Variants in HLA-DQA1 observed in about 807,000 individuals in gnomAD.
HLA-DQA1 encodes the protein HLA class II histocompatibility antigen, DQ alpha 1 chain.
HLA-DQA1 carries 10 observed loss-of-function variants against 20.7 expected under a neutral mutation model. That is an observed-to-expected ratio of 0.48 (90% CI 0.30 to 0.82). The LOEUF is 0.82. HLA-DQA1 is among the 40% of genes least tolerant of loss of function. HLA-DQA1 has a pLI of 0.07. For missense variants in HLA-DQA1, 127 were observed against 293.0 expected, an observed-to-expected ratio of 0.43 and a Z score of 4.14; for synonymous variants, 39 against 109.2, an observed-to-expected ratio of 0.36 and a Z score of 4.01.
In HLA-DQA1 at chr6:32,641,569, A is replaced by T; in HGVS notation, c.331+11A>T. The T allele has an allele frequency of 9.9e-7, 1 of 1,006,344 alleles. No homozygotes were observed. The highest frequency in any genetic ancestry group is 1.4e-6 in the Non-Finnish European group (1 of 729,074). The allele number at this position is 1,006,344 out of a possible 1,614,324, so 62.3% of individuals were successfully genotyped here. On this transcript the variant is annotated intron_variant, in intron 2 of 4. Coordinates refer to ENST00000343139, the MANE Select transcript of HLA-DQA1 (RefSeq NM_002122.5). ...CCGCTGCTACCAATGGTATGCGTCC[A>T]CCATTCTGCCTCTCTTTACTTAAGT...
Position 32,642,602 on chromosome 6 carries a change from T to G in HLA-DQA1, c.614-8T>G. 1 of 1,298,964 alleles carries G rather than the reference T, an allele frequency of 7.7e-7. No individual in the cohort carries two copies. The highest frequency in any genetic ancestry group is 1.2e-5 in the South Asian group (1 of 80,824). 80.5% of individuals were successfully genotyped at this position (1,298,964 alleles called of 1,614,324 possible). On this transcript the variant is annotated splice_region_variant and splice_polypyrimidine_tract_variant and intron_variant, in intron 3 of 4. Transcript: ENST00000343139. ...TGCATTCTGACCTCAACAACTTCAC[T>G]TCCACAGAGCCTGAGATTCCAGCCC...
At chr6:32,640,403 A>G (rs9272632) in intron 1 of HLA-DQA1, among the ~76,000 whole-genome samples, 2,148 of 74,242 alleles carry the variant, frequency 0.029, 124 homozygotes, top group Middle Eastern at 0.047. Context: ...TGTCTTGACA[A>G]AAAAGTCCAG....
chr6:32,653,613 C>A, the HLA-DQA1 span, among the ~76,000 whole-genome samples: 1 of 100,404 alleles, frequency 1.0e-5, no homozygotes, highest in Non-Finnish European at 2.2e-5. Context: ...AAAAATAGAA[C>A]TACCACATGA....
At chr6:32,652,926 G>A in the HLA-DQA1 span, among the ~76,000 whole-genome samples, 1,600 of 150,034 alleles carry the variant, frequency 0.011, 53 homozygotes, top group African/African-American at 0.036. Flanking sequence ...TAACCCCCAG[G>A]GAGTTCTGAA....
In HLA-DQA1 at chr6:32,641,317, C is replaced by T. The variant is rs1129737; in HGVS notation, c.90C>T (p.His30=). ...GTCATCTTCACTCATCAGCTGACCA[C>T]GTTGCCTCTTGTGGTGTAAACTTGT... is the stretch of plus-strand genomic sequence containing the variant. The part of the protein sequence containing the change: ...PCGGEDIVAD[H]VASCGVNLYQ... The change falls in exon 2 of 5, where the codon CAC becomes CAT. Residue 30 remains histidine, a synonymous_variant. Coordinates refer to ENST00000343139, the MANE Select transcript of HLA-DQA1 (RefSeq NM_002122.5). 161,434 of 1,194,622 alleles carry T rather than the reference C, an allele frequency of 0.14. 41,699 individuals carry two copies. Among genetic ancestry groups the T allele is most frequent in the East Asian group, 0.34 (10,365 of 30,174 alleles). The allele number at this position is 1,194,622 out of a possible 1,614,324, so 74.0% of individuals were successfully genotyped here. A position where few individuals can be genotyped will look rare whatever the true frequency, so the allele number is the denominator to read the frequency against.
At chr6:32,648,362 C>G (rs1195239420), downstream of HLA-DQA1, among the ~76,000 whole-genome samples, 1 of 88,462 alleles carries the variant, frequency 1.1e-5, no homozygotes, top group Non-Finnish European at 2.5e-5. Flanking sequence ...GCCTGATGAA[C>G]ATCAATGTGA....
intron 1 of HLA-DQA1, among the ~76,000 whole-genome samples, chr6:32,637,983 G>T (rs1781014116): frequency 8.5e-6 from 1 of 117,328 alleles, no homozygotes; most frequent in Non-Finnish European, 1.9e-5. Context: ...TATTTAAAAT[G>T]TTGCCCGTTT....
chr6:32,645,172 AGTT>A (rs1429348086), downstream of HLA-DQA1: 2 of 151,616 alleles, frequency 1.3e-5, no homozygotes, highest in African/African-American at 2.4e-5. Context: ...TGCCAATGTA[AGTT>A]CATAAATTAT....
At position 32,643,322 on chromosome 6, in the gene HLA-DQA1, G is replaced by T. The variant is rs28538060; in HGVS notation, c.*391G>T. The T allele has an allele frequency of 0.24, 69,747 of 286,580 alleles. 20,734 individuals carry two copies. The highest frequency in any genetic ancestry group is 0.31 in the South Asian group (10,875 of 35,490). 17.8% of individuals were successfully genotyped at this position (286,580 alleles called of 1,614,324 possible). On this transcript the variant is annotated 3_prime_UTR_variant, in exon 5 of 5. Coordinates refer to ENST00000343139, the MANE Select transcript of HLA-DQA1 (RefSeq NM_002122.5). ...GACTGAAACTATGGCTAATAATTGG[G>T]GTACTCTTATGTTTCAATCCAATTT...
the HLA-DQA1 span, among the ~76,000 whole-genome samples, chr6:32,652,922 C>A: frequency 1.3e-5 from 2 of 150,564 alleles, no homozygotes; most frequent in South Asian, 2.1e-4. Flanking sequence ...AGCCTAACCC[C>A]CAGGGAGTTC....
At position 32,641,996 on chromosome 6, in the gene HLA-DQA1, C is replaced by T; in HGVS notation, c.356C>T (p.Ser119Phe). The T allele has an allele frequency of 6.4e-7, 1 of 1,552,472 alleles. No individual in the cohort carries two copies. Among genetic ancestry groups the T allele is most frequent in the South Asian group, 1.1e-5 (1 of 89,806 alleles). The stretch of plus-strand genomic sequence containing the variant: ...GAGGTTCCTGAGGTCACAGTGTTTT[C>T]CAAGTCTCCCGTGACACTGGGTCAG... The part of the protein sequence containing the change: ...TNEVPEVTVF[S>F]KSPVTLGQPN... The change falls in exon 3 of 5, where the codon TCC becomes TTC. Residue 119 changes from serine (S) to phenylalanine (F), a missense_variant. Ser to Phe is a radical substitution (Grantham distance 155). Coordinates refer to ENST00000343139, the MANE Select transcript of HLA-DQA1 (RefSeq NM_002122.5).
chr6:32,651,866 A>G (rs1439867310), downstream of HLA-DQA1, among the ~76,000 whole-genome samples: 1 of 96,588 alleles, frequency 1.0e-5, no homozygotes, highest in Non-Finnish European at 2.3e-5. Flanking sequence ...TTAAAGAAAC[A>G]TCATAAAATA....
At chr6:32,647,955 T>C (rs186917546), downstream of HLA-DQA1, among the ~76,000 whole-genome samples, 6 of 152,270 alleles carry the variant, frequency 3.9e-5, no homozygotes, top group Admixed American at 2.0e-4. Flanking sequence ...AATATACATA[T>C]ATTACATAAT....
At chr6:32,647,976 T>G (rs114400689), downstream of HLA-DQA1, among the ~76,000 whole-genome samples, 1 of 151,384 alleles carries the variant, frequency 6.6e-6, no homozygotes, top group African/African-American at 2.4e-5. Context: ...TCCACAAACA[T>G]GTAATTACAA....
At chr6:32,640,809 C>CTTTT (rs1219157549) in intron 1 of HLA-DQA1, among the ~76,000 whole-genome samples, 1 of 22,108 alleles carries the variant, frequency 4.5e-5, no homozygotes, top group East Asian at 4.5e-3. Flanking sequence ...CATGCTTTTC[C>CTTTT]TTTAAAAAAA....
downstream of HLA-DQA1, among the ~76,000 whole-genome samples, chr6:32,648,174 A>T (rs1345619416): frequency 3.0e-5 from 3 of 99,242 alleles, 1 homozygote; most frequent in African/African-American, 1.0e-4. Context: ...CTCTAACAAT[A>T]TGAAAGAGAA....
chr6:32,650,843 GTATAATAATAATAATAAT>G (rs1782149767), downstream of HLA-DQA1, among the ~76,000 whole-genome samples: 1 of 45,590 alleles, frequency 2.2e-5, no homozygotes, highest in African/African-American at 8.4e-5. Context: ...AGAGCTTAAA[GTATAATAATAATAATAAT>G]AATAATAATA....
downstream of HLA-DQA1, chr6:32,646,458 G>A (rs555922389): frequency 1.0e-5 from 1 of 98,626 alleles, no homozygotes; most frequent in East Asian, 3.2e-4. Flanking sequence ...TCTAGAGGCT[G>A]AGGCAAGAGG....
Position 32,641,297 on chromosome 6 carries a change from C to T in HLA-DQA1, c.83-13C>T. On this transcript the variant is annotated splice_polypyrimidine_tract_variant and intron_variant, in intron 1 of 4. Transcript: ENST00000343139. Reference sequence around the variant, plus strand: ...TGTTCTCCGCCTTCCTGCTTGTCATCTTCACTCATCAGCTGACCACGTTGC... The same window carrying T: ...TGTTCTCCGCCTTCCTGCTTGTCATTTTCACTCATCAGCTGACCACGTTGC... 1 of 1,255,882 alleles carries T rather than the reference C, an allele frequency of 8.0e-7. No homozygotes were observed. The highest frequency in any genetic ancestry group is 1.1e-6 in the Non-Finnish European group (1 of 905,344). The allele number at this position is 1,255,882 out of a possible 1,614,324, so 77.8% of individuals were successfully genotyped here. A position where few individuals can be genotyped will look rare whatever the true frequency, so the allele number is the denominator to read the frequency against.
Sources: gnomAD v4.1 joint callset for allele counts (sites outside exome capture counted in the v4.1 genomes callset) on GRCh38, gnomAD v4.1.1 for gene constraint, MANE v1.5 for transcripts, NCBI Gene and HGNC (gene_info 2026-07-23, HGNC 2026-07-21) for gene names.